Variants in TRHDE observed in about 807,000 individuals in gnomAD.
TRHDE encodes the protein thyrotropin releasing hormone degrading enzyme.
Under a neutral mutation model 125.7 loss-of-function variants are expected in TRHDE, and 72 were observed. That is an observed-to-expected ratio of 0.57 (90% CI 0.47 to 0.70). The LOEUF (loss-of-function observed/expected upper bound fraction) is 0.70, where lower values mean the gene tolerates loss of function less well. Among genes scored for constraint, TRHDE ranks in the 30% least tolerant of loss-of-function variants. The probability of loss-of-function intolerance (pLI) is 0.00; values close to 1 mark genes in which losing one functional copy is unlikely to be tolerated. For synonymous variants in TRHDE, 509 were observed against 509.1 expected (o/e 1.00, Z 0.00); for missense variants, 1,110 against 1,327.1 (o/e 0.84, Z 2.54).
chr12:72,652,399 G>A lies in TRHDE; in HGVS notation c.2753G>A (p.Trp918Ter), dbSNP rs1476491317. Residue 918 changes from tryptophan (W) to a stop codon, truncating the protein, a stop_gained, in exon 16 of 19, where the codon TGG becomes TAG. Transcript: ENST00000261180. LOFTEE classifies it high-confidence loss of function. The stretch of plus-strand genomic sequence containing the variant: ...GATGAGGATGTCTGGGAATTCATAT[G>A]GATGAAATTCCATTCCACCACAGCA... ...LLDEDVWEFI[W>*]MKFHSTTAVS... is the part of the protein sequence containing the mutation. The A allele has an allele frequency of 6.2e-7, 1 of 1,605,788 alleles. No individual in the cohort carries two copies. Among genetic ancestry groups the A allele is most frequent in the African/African-American group, 1.3e-5 (1 of 74,518 alleles).
At chr12:72,526,126 C>T (rs1868333870) in intron 6 of TRHDE, among the ~76,000 whole-genome samples, 1 of 152,036 alleles carries the variant, frequency 6.6e-6, no homozygotes, top group South Asian at 2.1e-4. Flanking sequence ...TTTCTGCTGT[C>T]CTCTGACATT....
At chr12:72,258,108 C>T (rs1480378307) in intron 2 of TRHDE, 2 of 151,998 alleles carry the variant, frequency 1.3e-5, no homozygotes, top group African/African-American at 2.4e-5. Flanking sequence ...TGGGGATAAG[C>T]AGGATGAGGC....
At chr12:72,630,643 G>T (rs892625379) in intron 15 of TRHDE, among the ~76,000 whole-genome samples, 5 of 151,586 alleles carry the variant, frequency 3.3e-5, no homozygotes, top group Non-Finnish European at 7.4e-5. Flanking sequence ...TATCAGGGAG[G>T]TATTGCAAAT....
At chr12:72,517,895 A>G (rs1489241962) in intron 6 of TRHDE, among the ~76,000 whole-genome samples, 4 of 151,768 alleles carry the variant, frequency 2.6e-5, no homozygotes, top group South Asian at 2.1e-4. Context: ...CCTTCATTTC[A>G]TTATGTACCC....
chr12:72,271,881 G>T (rs1205676141), upstream of TRHDE: 8 of 456,074 alleles, frequency 1.8e-5, no homozygotes, highest in Non-Finnish European at 3.5e-5. Flanking sequence ...GGAGGGCAGA[G>T]CAAGACTGGA....
At chr12:72,167,380 T>C (rs1876775259) in intron 2 of TRHDE, among the ~76,000 whole-genome samples, 1 of 151,810 alleles carries the variant, frequency 6.6e-6, no homozygotes, top group Admixed American at 6.6e-5. Flanking sequence ...CTTTACATCA[T>C]GGAAAGAACA....
intron 3 of TRHDE, among the ~76,000 whole-genome samples, chr12:72,447,994 G>C (rs1875382983): frequency 6.6e-6 from 1 of 152,012 alleles, no homozygotes; most frequent in Admixed American, 6.6e-5. Flanking sequence ...GAAAAAAGTA[G>C]CTGATTTCCC....
chr12:72,102,731 C>A (rs574238706), intron 1 of TRHDE, among the ~76,000 whole-genome samples: 1 of 152,278 alleles, frequency 6.6e-6, no homozygotes, highest in African/African-American at 2.4e-5. Flanking sequence ...AAATATGCCC[C>A]TGTGAAGATG....
At chr12:72,197,675 C>T (rs1350404220) in intron 2 of TRHDE, among the ~76,000 whole-genome samples, 2 of 151,960 alleles carry the variant, frequency 1.3e-5, no homozygotes, top group African/African-American at 4.8e-5. Context: ...ACTTTGAGTT[C>T]CTAGAAGACA....
intron 15 of TRHDE, among the ~76,000 whole-genome samples, chr12:72,635,935 A>G (rs1404698514): frequency 1.4e-4 from 22 of 152,072 alleles, no homozygotes; most frequent in African/African-American, 2.7e-4. Context: ...GTCAGGTAGC[A>G]TGATGCCTCC....
chr12:72,150,504 C>T (rs982547822), intron 2 of TRHDE, among the ~76,000 whole-genome samples: 3 of 149,598 alleles, frequency 2.0e-5, no homozygotes, highest in Admixed American at 1.3e-4. Flanking sequence ...CCCATTAACT[C>T]GTCATTTAAC....
chr12:72,464,405 C>G (rs1337459979), intron 3 of TRHDE, among the ~76,000 whole-genome samples: 1 of 152,124 alleles, frequency 6.6e-6, no homozygotes, highest in East Asian at 1.9e-4. Flanking sequence ...AGGGTCTGCT[C>G]TCTGCTTTCA....
At chr12:72,488,941 T>C (rs2135923250) in intron 5 of TRHDE, among the ~76,000 whole-genome samples, 1 of 151,784 alleles carries the variant, frequency 6.6e-6, no homozygotes, top group South Asian at 2.1e-4. Context: ...TTAAAAAATA[T>C]ACTGAGACAA....
intron 3 of TRHDE, among the ~76,000 whole-genome samples, chr12:72,446,193 G>A (rs986142744): frequency 7.0e-6 from 1 of 143,226 alleles, no homozygotes; most frequent in Non-Finnish European, 1.5e-5. Context: ...GGGTACATGT[G>A]CACAACATGC....
chr12:72,595,029 C>T (rs954958776), intron 12 of TRHDE, among the ~76,000 whole-genome samples: 25 of 146,494 alleles, frequency 1.7e-4, no homozygotes, highest in Non-Finnish European at 2.7e-4. Context: ...AACCAAACAC[C>T]GCATGTTCTC....
intron 2 of TRHDE, among the ~76,000 whole-genome samples, chr12:72,109,689 G>C (rs1354213720): frequency 6.6e-6 from 1 of 152,060 alleles, no homozygotes; most frequent in Non-Finnish European, 1.5e-5. Context: ...TTCTAGGGGA[G>C]ATATTTTCCC....
intron 6 of TRHDE, among the ~76,000 whole-genome samples, chr12:72,539,933 A>G (rs1237518646): frequency 6.6e-6 from 1 of 151,812 alleles, no homozygotes; most frequent in Non-Finnish European, 1.5e-5. Flanking sequence ...TCACAAGGTA[A>G]TGTAAGTTAC....
At chr12:72,629,020 G>A (rs1485870224) in intron 15 of TRHDE, among the ~76,000 whole-genome samples, 1 of 151,742 alleles carries the variant, frequency 6.6e-6, no homozygotes, top group East Asian at 1.9e-4. Flanking sequence ...TAATCTGGTT[G>A]TATTTTTAAT....
At chr12:72,377,929 T>A in intron 2 of TRHDE, 66 bp from the exon 3 acceptor site, 1 of 1,146,826 alleles carries the variant, frequency 8.7e-7, no homozygotes, top group South Asian at 1.7e-5. Flanking sequence ...TAGATTCATA[T>A]TTGCAGGGAA....
Sources: gnomAD v4.1 joint callset for allele counts (sites outside exome capture counted in the v4.1 genomes callset) on GRCh38, gnomAD v4.1.1 for gene constraint, MANE v1.5 for transcripts, NCBI Gene and HGNC (gene_info 2026-07-23, HGNC 2026-07-21) for gene names.